Variants in NOL10 observed in about 807,000 individuals in gnomAD.
The protein encoded by NOL10 is H_NH0074G24.1.
A neutral mutation model predicts 103.5 loss-of-function variants in NOL10; 58 were observed. That is an observed-to-expected ratio of 0.56 (90% confidence interval 0.45 to 0.70). The LOEUF is 0.70. NOL10 is among the 30% of genes least tolerant of loss of function. The pLI is 0.00. For synonymous variants in NOL10, 287 were observed against 282.5 expected (o/e 1.02, Z -0.16); for missense variants, 763 against 807.3 (o/e 0.95, Z 0.67).
At chr2:10,652,539 C>G (rs1423815444) in intron 12 of NOL10, among the ~76,000 whole-genome samples, 1 of 152,160 alleles carries the variant, frequency 6.6e-6, no homozygotes, top group Non-Finnish European at 1.5e-5. Context: ...TCCTTCCTGC[C>G]CCAACTTCTG....
chr2:10,636,673 T>G (rs1272271335), intron 13 of NOL10, among the ~76,000 whole-genome samples: 1 of 151,936 alleles, frequency 6.6e-6, no homozygotes, highest in East Asian at 1.9e-4. Context: ...TCTTAAGACT[T>G]TGGAAAATTA....
chr2:10,689,944 T>G lies in NOL10; in HGVS notation c.-83A>C. On this transcript the variant is annotated 5_prime_UTR_variant, in exon 1 of 21. Transcript: ENST00000381685. ...CGTAATCCCGGGACCTCCGAGCCCC[T>G]GCTCCGCGGCGTGCGGCCGCTGGCG... The G allele has an allele frequency of 4.5e-6, 6 of 1,338,602 alleles. No individual in the cohort carries two copies. Among genetic ancestry groups the G allele is most frequent in the South Asian group, 2.6e-5 (2 of 76,966 alleles). The allele number at this position is 1,338,602 out of a possible 1,614,324, so 82.9% of individuals were successfully genotyped here. A position where few individuals can be genotyped will look rare whatever the true frequency, so the allele number is the denominator to read the frequency against.
At chr2:10,670,118 A>G (rs1488075007) in intron 6 of NOL10, among the ~76,000 whole-genome samples, 1 of 152,142 alleles carries the variant, frequency 6.6e-6, no homozygotes, top group Non-Finnish European at 1.5e-5. Context: ...CAATAGGGCT[A>G]AGAAACTGAC....
At chr2:10,579,039 T>C (rs1453294275) in intron 19 of NOL10, among the ~76,000 whole-genome samples, 4 of 152,168 alleles carry the variant, frequency 2.6e-5, no homozygotes, top group Non-Finnish European at 4.4e-5. Context: ...TTGTAACTAA[T>C]TACTGAGAGC....
At chr2:10,577,790 ACC>A (rs1401702886) in intron 19 of NOL10, 52 bp from the exon 20 acceptor site, 1 of 1,203,112 alleles carries the variant, frequency 8.3e-7, no homozygotes, top group Non-Finnish European at 1.2e-6. Context: ...GTTTTAATTT[ACC>A]ATTTGAAACA....
chr2:10,572,300 A>AGGAGAAATGCTGCCC (rs1674219968), intron 20 of NOL10, 110 bp from the exon 21 acceptor site: 2 of 1,186,974 alleles, frequency 1.7e-6, no homozygotes, highest in Non-Finnish European at 2.4e-6. Context: ...AACTGCTGCC[A>AGGAGAAATGCTGCCC]GGAGAAATGC....
At position 10,571,966 on chromosome 2, in the gene NOL10, G is replaced by T; in HGVS notation, c.*105C>A. ...TACCTCTGTGTACAAGAACGTACAT[G>T]AACTTTAAAAACGTGTGTTTCCTCG... On this transcript the variant is annotated 3_prime_UTR_variant, in exon 21 of 21. Transcript: ENST00000381685. 2 of 1,349,670 alleles carry T rather than the reference G, an allele frequency of 1.5e-6. No homozygotes were observed. Among genetic ancestry groups the T allele is most frequent in the South Asian group, 1.3e-5 (1 of 75,876 alleles). 83.6% of individuals were successfully genotyped at this position (1,349,670 alleles called of 1,614,324 possible). A position where few individuals can be genotyped will look rare whatever the true frequency, so the allele number is the denominator to read the frequency against.
intron 13 of NOL10, among the ~76,000 whole-genome samples, chr2:10,616,383 C>T (rs183270536): frequency 2.6e-5 from 4 of 151,884 alleles, no homozygotes; most frequent in African/African-American, 7.2e-5. Flanking sequence ...CTACGCCTGG[C>T]TAATTTTTGT....
chr2:10,673,683 G>A (rs976400034), intron 4 of NOL10, 126 bp from the exon 5 acceptor site: 7 of 551,938 alleles, frequency 1.3e-5, no homozygotes, highest in East Asian at 3.3e-5. Context: ...CTGCCTCTAC[G>A]TGAAACAAGA....
At chr2:10,645,794 G>T (rs1217956659) in intron 12 of NOL10, among the ~76,000 whole-genome samples, 2 of 152,004 alleles carry the variant, frequency 1.3e-5, no homozygotes, top group Non-Finnish European at 1.5e-5. Flanking sequence ...CTCCCAACAT[G>T]CTGGGATTAC....
intron 17 of NOL10, among the ~76,000 whole-genome samples, chr2:10,590,363 C>T (rs948610704): frequency 2.0e-5 from 3 of 152,226 alleles, no homozygotes; most frequent in African/African-American, 7.2e-5. Flanking sequence ...GTGCCTTGGC[C>T]TCCCATAGTA....
At chr2:10,646,723 T>C (rs1234505528) in intron 12 of NOL10, among the ~76,000 whole-genome samples, 1 of 152,188 alleles carries the variant, frequency 6.6e-6, no homozygotes, top group African/African-American at 2.4e-5. Context: ...CCTCCCTTGC[T>C]CAGGGCCACC....
chr2:10,661,323 C>T (rs1680189644), intron 9 of NOL10, among the ~76,000 whole-genome samples: 1 of 152,098 alleles, frequency 6.6e-6, no homozygotes, highest in South Asian at 2.1e-4. Context: ...AATCCACCTG[C>T]CTCAGCCTCC....
chr2:10,681,952 TA>T lies in NOL10; in HGVS notation c.211+18del. 1 of 1,200,610 alleles carries T rather than the reference TA, an allele frequency of 8.3e-7. No homozygotes were observed. Among genetic ancestry groups the T allele is most frequent in the Non-Finnish European group, 1.1e-6 (1 of 888,508 alleles). The allele number at this position is 1,200,610 out of a possible 1,614,324, so 74.4% of individuals were successfully genotyped here. A position where few individuals can be genotyped will look rare whatever the true frequency, so the allele number is the denominator to read the frequency against. On this transcript the variant is annotated intron_variant, in intron 3 of 20. Transcript: ENST00000381685. The stretch of plus-strand genomic sequence containing the variant: ...CCTGGTACAAAATGCATGAAAATCA[TA>T]ACCAAAAAGATGCTTACCAGTTGCT...
chr2:10,575,198 T>C (rs1674392615), intron 20 of NOL10, among the ~76,000 whole-genome samples: 1 of 152,242 alleles, frequency 6.6e-6, no homozygotes, highest in Non-Finnish European at 1.5e-5. Flanking sequence ...AATGGCATTT[T>C]AAAATTAGAT....
rs904695615 is a variant in NOL10, at chr2:10,652,908, G to A, written c.973+1573C>T. ...ACCGGGAAGTGTGTTAAAAACACACGTTTCTGGCCAGGCGCGGCGGCTCAC... is the reference window on the plus strand; with the variant it reads ...ACCGGGAAGTGTGTTAAAAACACACATTTCTGGCCAGGCGCGGCGGCTCAC... On this transcript the variant is annotated intron_variant, in intron 12 of 20. Coordinates refer to ENST00000381685, the MANE Select transcript of NOL10 (RefSeq NM_024894.4). Among the ~76,000 whole-genome samples, 8 of 152,118 alleles carry A rather than the reference G, an allele frequency of 5.3e-5. No homozygotes were observed. The East Asian group carries it at 1.4e-3, about 26-fold the overall frequency.
rs560789294 is a variant in NOL10 at position 10,640,161 on chromosome 2, T to C, written c.1026+4159A>G. On this transcript the variant is annotated intron_variant, in intron 13 of 20. Coordinates refer to ENST00000381685, the MANE Select transcript of NOL10 (RefSeq NM_024894.4). ...CAGTCCAGGCTTCCTAAACTTGGCATGGATCATACATTAAACACACATTTC... is the reference window on the plus strand; with the variant it reads ...CAGTCCAGGCTTCCTAAACTTGGCACGGATCATACATTAAACACACATTTC... 7.2e-5 allele frequency among the ~76,000 whole-genome samples: 11 copies of C among 152,368 alleles called. No homozygotes were observed. The East Asian group carries it at 2.1e-3, about 29-fold the overall frequency.
At chr2:10,685,365 C>T (rs1216668032) in intron 1 of NOL10, among the ~76,000 whole-genome samples, 1 of 151,202 alleles carries the variant, frequency 6.6e-6, no homozygotes, top group East Asian at 1.9e-4. Flanking sequence ...TGGTGGTGGG[C>T]ACCTGTAATC....
intron 17 of NOL10, among the ~76,000 whole-genome samples, chr2:10,595,078 G>T (rs1675597254): frequency 7.4e-6 from 1 of 134,696 alleles, no homozygotes; most frequent in African/African-American, 2.7e-5. Flanking sequence ...GTTATCAAAA[G>T]ATAATGCCTA....
Sources: gnomAD v4.1 joint callset for allele counts (sites outside exome capture counted in the v4.1 genomes callset) on GRCh38, gnomAD v4.1.1 for gene constraint, MANE v1.5 for transcripts, NCBI Gene and HGNC (gene_info 2026-07-23, HGNC 2026-07-21) for gene names.